USP34: variants seen among roughly 807,000 people sequenced by gnomAD.
The protein encoded by USP34 is ubiquitin specific peptidase 34, also known as ubiquitin carboxyl-terminal hydrolase 34.
Under a neutral mutation model 460.3 loss-of-function variants are expected in USP34, and 70 were observed. The observed-to-expected ratio is 0.15, with a 90% CI of 0.13 to 0.19. The LOEUF (loss-of-function observed/expected upper bound fraction) is 0.19. Among genes scored for constraint, USP34 ranks in the 10% least tolerant of loss-of-function variants. The pLI is 1.00. For synonymous variants in USP34, 1,647 were observed against 1,405.3 expected (o/e 1.17, Z -3.85); for missense variants, 3,985 against 4,236.2 (o/e 0.94, Z 1.65).
At chr2:61,207,932 T>A (rs1392188426) in intron 70 of USP34, 1 of 152,322 alleles carries the variant, frequency 6.6e-6, no homozygotes, top group African/African-American at 2.4e-5. Context: ...AAAAACATCC[T>A]ACCTGTGAAT....
intron 27 of USP34, among the ~76,000 whole-genome samples, chr2:61,310,019 G>GT (rs1339054231): frequency 6.6e-6 from 1 of 152,044 alleles, no homozygotes; most frequent in Non-Finnish European, 1.5e-5. Flanking sequence ...ATACATGGAG[G>GT]TAAGACTATA....
chr2:61,188,430 T>A lies in USP34; in HGVS notation c.10313A>T (p.Gln3438Leu). Residue 3438 changes from glutamine to leucine, a missense_variant, in exon 80 of 80, where the codon CAG becomes CTG. By Grantham distance (113) the Gln-to-Leu change is moderately radical (BLOSUM62 -2). This residue lies in a region of USP34 where 506 missense variants were observed against 439.0 expected (regional missense o/e 1.15). Coordinates refer to ENST00000398571, the MANE Select transcript of USP34 (RefSeq NM_014709.4). The part of the protein sequence containing the change: ...SNIRSQHAEE[Q>L]SNNGRYDDCK... The stretch of plus-strand genomic sequence containing the variant: ...ATCGTCATATCTACCATTGTTGGAC[T>A]GTTCTTCTGCATGCTGTGACCTGAT... 6.2e-7 allele frequency: 1 copy of A among 1,614,252 alleles called. No homozygotes were observed.
chr2:61,205,437 T>C (rs192056514), intron 72 of USP34, among the ~76,000 whole-genome samples: 1 of 152,316 alleles, frequency 6.6e-6, no homozygotes, highest in East Asian at 1.9e-4. Context: ...GGACTGCTTA[T>C]ATATGACAGC....
At chr2:61,385,243 A>C (rs1693100677) in intron 5 of USP34, among the ~76,000 whole-genome samples, 1 of 152,214 alleles carries the variant, frequency 6.6e-6, no homozygotes, top group African/African-American at 2.4e-5. Flanking sequence ...GTAAATAAGG[A>C]GACATTTGCC....
chr2:61,426,706 A>G (rs1694521952), intron 1 of USP34, among the ~76,000 whole-genome samples: 1 of 152,212 alleles, frequency 6.6e-6, no homozygotes, highest in Non-Finnish European at 1.5e-5. Flanking sequence ...CAGGGCCTTC[A>G]GCAAACATGG....
intron 57 of USP34, among the ~76,000 whole-genome samples, chr2:61,232,826 C>T (rs1687946620): frequency 7.3e-6 from 1 of 136,710 alleles, no homozygotes; most frequent in African/African-American, 2.7e-5. Context: ...GACATAGAAT[C>T]TTTAGTTCTT....
chr2:61,271,881 A>G (rs1341332576), intron 41 of USP34, among the ~76,000 whole-genome samples: 2 of 152,236 alleles, frequency 1.3e-5, no homozygotes, highest in Admixed American at 6.5e-5. Flanking sequence ...AAAAGTAAAA[A>G]TCATTAGAGT....
rs369719461 is a variant in USP34 at position 61,387,704 on chromosome 2, TAA to T, written c.754-4370_754-4369del. Among the ~76,000 whole-genome samples, 200 of 147,836 alleles carry T rather than the reference TAA, an allele frequency of 1.4e-3. No individual in the cohort carries two copies. In the Middle Eastern group the frequency reaches 0.021, roughly 16 times the overall value. ...ATATATTTTTACATATACACACATGTAAAAATATATTTTTACGTATACACACA... is the reference window on the plus strand; with the variant it reads ...ATATATTTTTACATATACACACATGTAAATATATTTTTACGTATACACACA... On this transcript the variant is annotated intron_variant, in intron 5 of 79. Coordinates refer to ENST00000398571, the MANE Select transcript of USP34 (RefSeq NM_014709.4).
intron 41 of USP34, among the ~76,000 whole-genome samples, chr2:61,274,174 G>T (rs1050844485): frequency 4.6e-5 from 7 of 152,144 alleles, no homozygotes; most frequent in African/African-American, 1.7e-4. Flanking sequence ...CTGGTCACCT[G>T]AGGTCAGGAG....
intron 8 of USP34, among the ~76,000 whole-genome samples, chr2:61,373,780 A>G (rs1052016560): frequency 6.6e-6 from 1 of 152,232 alleles, no homozygotes; most frequent in African/African-American, 2.4e-5. Context: ...AAATATGTAC[A>G]TAATATAGAT....
chr2:61,395,135 T>A (rs1453022596), intron 4 of USP34, 48 bp downstream of exon 4: 25 of 1,472,108 alleles, frequency 1.7e-5, no homozygotes, highest in Non-Finnish European at 2.2e-5. Context: ...GAGGCTTTGT[T>A]AAAAAAATAA....
In USP34 at chr2:61,227,193, T is replaced by C; in HGVS notation, c.7469A>G (p.Glu2490Gly). The change falls in exon 62 of 80, where the codon GAA (glutamate) becomes GGA (glycine). Residue 2490 changes from glutamate to glycine, a missense_variant. Around this residue, in one of 14 missense-constraint regions of USP34, gnomAD observed 604 missense variants for 684.8 expected, o/e 0.88. Coordinates refer to ENST00000398571, the MANE Select transcript of USP34 (RefSeq NM_014709.4). Reference protein sequence around the residue: ...ENPQVEVLSEEEGEEEEEEED... With the variant: ...ENPQVEVLSEGEGEEEEEEED... ...TTCCTCCTCTTCTTCTTCCCCTTCT[T>C]CCTCTGATAACACTTCAACTTGAGG... The C allele has an allele frequency of 6.2e-7, 1 of 1,613,278 alleles. No individual in the cohort carries two copies.
At chr2:61,294,619 C>T (rs917835141) in intron 32 of USP34, among the ~76,000 whole-genome samples, 2 of 152,038 alleles carry the variant, frequency 1.3e-5, no homozygotes, top group Non-Finnish European at 2.9e-5. Flanking sequence ...ACGGGTTTTA[C>T]CATGTTGGCC....
chr2:61,419,527 A>G (rs1316975157), intron 2 of USP34, among the ~76,000 whole-genome samples: 1 of 152,134 alleles, frequency 6.6e-6, no homozygotes, highest in East Asian at 1.9e-4. Context: ...GCTAGAATAC[A>G]AGTGTATTAG....
intron 30 of USP34, among the ~76,000 whole-genome samples, chr2:61,295,606 ATGG>A (rs980433809): frequency 2.6e-5 from 4 of 152,256 alleles, no homozygotes; most frequent in Admixed American, 6.5e-5. Context: ...ACTTCTAAAG[ATGG>A]TGATGAATTA....
intron 5 of USP34, 93 bp downstream of exon 5, chr2:61,394,760 A>C: frequency 9.5e-7 from 1 of 1,055,418 alleles, no homozygotes; most frequent in Non-Finnish European, 1.3e-6. Context: ...CATGCAAATC[A>C]TTCAAAACCT....
rs1695931422 is a variant in USP34 at position 61,470,704 on chromosome 2, CG to C, written c.-13del. On this transcript the variant is annotated 5_prime_UTR_variant, in exon 1 of 80. Coordinates refer to ENST00000398571, the MANE Select transcript of USP34 (RefSeq NM_014709.4). ...CAGTTCTCGCACATCGTTCGGCCGC[CG>C]CCCCCCCCCTCCCCCGCTTCGGATC... is the stretch of plus-strand genomic sequence containing the variant. 1 of 1,588,652 alleles carries C rather than the reference CG, an allele frequency of 6.3e-7. No individual in the cohort carries two copies. Among genetic ancestry groups the C allele is most frequent in the Non-Finnish European group, 8.6e-7 (1 of 1,166,880 alleles).
chr2:61,397,838 G>A (rs1275129980), intron 3 of USP34, among the ~76,000 whole-genome samples: 5 of 152,024 alleles, frequency 3.3e-5, no homozygotes, highest in Non-Finnish European at 5.9e-5. Flanking sequence ...GACGGAGGCT[G>A]CAGTGAGCTG....
chr2:61,448,527 G>A (rs953132066), intron 1 of USP34, among the ~76,000 whole-genome samples: 1 of 152,146 alleles, frequency 6.6e-6, no homozygotes, highest in Non-Finnish European at 1.5e-5. Flanking sequence ...GACCTCCATG[G>A]TTGACAGATC....
Sources: gnomAD v4.1 joint callset for allele counts (sites outside exome capture counted in the v4.1 genomes callset) on GRCh38, gnomAD v4.1.1 for gene constraint, gnomAD v4.1.1 regional missense constraint, MANE v1.5 for transcripts, NCBI Gene and HGNC (gene_info 2026-07-23, HGNC 2026-07-21) for gene names.